Variants in SGCZ observed in about 807,000 individuals in gnomAD.
SGCZ encodes the protein zeta-sarcoglycan.
In SGCZ, 40 loss-of-function variants were observed where a neutral mutation model predicts 41.3. That is an observed-to-expected ratio of 0.97 (90% CI 0.75 to 1.26). SGCZ has a LOEUF of 1.26. Among genes scored for constraint, SGCZ ranks in the 50% most tolerant of loss-of-function variants. The pLI is 0.00. For synonymous variants in SGCZ, 206 were observed against 137.5 expected (o/e 1.50, Z -3.49); for missense variants, 552 against 369.8 (o/e 1.49, Z -4.04).
chr8:14,128,720 C>T (rs531296303), intron 5 of SGCZ, among the ~76,000 whole-genome samples: 6 of 144,674 alleles, frequency 4.1e-5, no homozygotes, highest in South Asian at 4.5e-4. Flanking sequence ...TATACATATA[C>T]ACACACACAC....
chr8:14,553,056 C>G (rs545175197), intron 2 of SGCZ, among the ~76,000 whole-genome samples: 4 of 152,026 alleles, frequency 2.6e-5, no homozygotes, highest in African/African-American at 9.6e-5. Context: ...TTTTCAGCAA[C>G]TGATAGTCTG....
At chr8:14,724,116 A>G (rs1387273255) in intron 1 of SGCZ, among the ~76,000 whole-genome samples, 1 of 152,192 alleles carries the variant, frequency 6.6e-6, no homozygotes, top group Non-Finnish European at 1.5e-5. Flanking sequence ...GTGTATGAGA[A>G]AAATGTGTCT....
rs533374306 is a variant in SGCZ, at chr8:14,369,391, T to C, written c.235-45187A>G. Among the ~76,000 whole-genome samples, 4 of 152,074 alleles carry C rather than the reference T, an allele frequency of 2.6e-5. No homozygotes were observed. The South Asian group carries it at 6.2e-4, about 24-fold the overall frequency. ...TTTGAGCTTCTCTGATATATCCTCA[T>C]AATAAAGGCTTTTTTTGGTCTTTAT... is the stretch of plus-strand genomic sequence containing the variant. On this transcript the variant is annotated intron_variant, in intron 2 of 7. Transcript: ENST00000382080.
At chr8:14,323,570 AAG>A (rs1260053407) in intron 3 of SGCZ, among the ~76,000 whole-genome samples, 1 of 152,128 alleles carries the variant, frequency 6.6e-6, no homozygotes, top group Non-Finnish European at 1.5e-5. Flanking sequence ...GCATGCTTCT[AAG>A]AGATAAAACA....
intron 1 of SGCZ, among the ~76,000 whole-genome samples, chr8:14,664,505 A>G (rs1485765371): frequency 6.6e-6 from 1 of 152,186 alleles, no homozygotes; most frequent in Non-Finnish European, 1.5e-5. Context: ...GATATGTGAT[A>G]TTTCAACTAG....
At chr8:14,415,380 C>T (rs1198166330) in intron 2 of SGCZ, among the ~76,000 whole-genome samples, 3 of 151,694 alleles carry the variant, frequency 2.0e-5, no homozygotes, top group Admixed American at 6.6e-5. Flanking sequence ...AGAAAAGACA[C>T]AGAAATAAGC....
At chr8:14,142,702 G>C (rs1016808109) in intron 5 of SGCZ, among the ~76,000 whole-genome samples, 1 of 152,132 alleles carries the variant, frequency 6.6e-6, no homozygotes, top group African/African-American at 2.4e-5. Context: ...CCCAATGCTG[G>C]AGATGGGCCT....
At position 14,164,683 on chromosome 8, in the gene SGCZ, A is replaced by G. The variant is rs370902554; in HGVS notation, c.444T>C (p.Ala148=). 1.2e-4 allele frequency: 199 copies of G among 1,613,406 alleles called. No homozygotes were observed. The highest frequency in any genetic ancestry group is 1.6e-4 in the Non-Finnish European group (190 of 1,179,662). The change falls in exon 5 of 8, where the codon GCT becomes GCC. Residue 148 remains alanine, a synonymous_variant. Coordinates refer to ENST00000382080, the MANE Select transcript of SGCZ (RefSeq NM_139167.4). ...CTCTCACTTCAAATCTTTTACACTG[A>G]GCTTCCACAGCATCAGCTCCTATGG... ...QLTIGADAVE[A]QCKRFEVRAS... is the part of the protein sequence containing the mutation.
At chr8:14,561,971 A>T (rs1360976646) in intron 1 of SGCZ, among the ~76,000 whole-genome samples, 1 of 152,150 alleles carries the variant, frequency 6.6e-6, no homozygotes, top group Admixed American at 6.5e-5. Context: ...AAATTTAAAA[A>T]CACAGCATGT....
In SGCZ at chr8:15,172,735, G is replaced by A. The variant is rs1585638566; in HGVS notation, c.39+64850C>T. On this transcript the variant is annotated intron_variant, in intron 1 of 7. Coordinates refer to ENST00000382080, the MANE Select transcript of SGCZ (RefSeq NM_139167.4). ...GATAGAATTTTACCTTTATCAACAT[G>A]CGTAGAAACATTTTCATAATGCGCT... 5.3e-5 allele frequency among the ~76,000 whole-genome samples: 8 copies of A among 152,180 alleles called. No homozygotes were observed. The South Asian group carries it at 1.7e-3, about 32-fold the overall frequency.
intron 1 of SGCZ, among the ~76,000 whole-genome samples, chr8:14,681,551 G>A (rs538516635): frequency 1.1e-4 from 16 of 152,196 alleles, no homozygotes; most frequent in East Asian, 1.9e-4. Flanking sequence ...CTCGGACTTC[G>A]AATGATATAA....
intron 1 of SGCZ, among the ~76,000 whole-genome samples, chr8:14,582,091 TAATA>T (rs1804909493): frequency 1.3e-5 from 2 of 152,186 alleles, no homozygotes; most frequent in South Asian, 2.1e-4. Flanking sequence ...TACTTCTGCT[TAATA>T]AATAAATATA....
At chr8:14,582,584 T>A (rs1320139789) in intron 1 of SGCZ, among the ~76,000 whole-genome samples, 1 of 150,494 alleles carries the variant, frequency 6.6e-6, no homozygotes, top group Non-Finnish European at 1.5e-5. Flanking sequence ...TATGTATACA[T>A]GTGCCATGCT....
Position 14,164,694 on chromosome 8 carries a change from C to A in SGCZ, c.433G>T (p.Ala145Ser), listed in dbSNP as rs1804154780. 1 of 1,613,474 alleles carries A rather than the reference C, an allele frequency of 6.2e-7. No individual in the cohort carries two copies. The highest frequency in any genetic ancestry group is 1.1e-5 in the South Asian group (1 of 91,068). ...AATCTTTTACACTGAGCTTCCACAG[C>A]ATCAGCTCCTATGGTCAGAGGAAAG... is the stretch of plus-strand genomic sequence containing the variant. ...LTGQLTIGAD[A>S]VEAQCKRFEV... Residue 145 changes from alanine (A) to serine (S), a missense_variant, in exon 5 of 8, where the codon GCT (alanine) becomes TCT (serine). Ala to Ser is a moderately conservative substitution (Grantham distance 99). Transcript: ENST00000382080.
intron 2 of SGCZ, among the ~76,000 whole-genome samples, chr8:14,411,754 A>T (rs1799366871): frequency 6.6e-6 from 1 of 152,154 alleles, no homozygotes; most frequent in South Asian, 2.1e-4. Flanking sequence ...ATATAAAGAC[A>T]TTCAATATTA....
At chr8:15,056,922 C>G (rs1344620231) in intron 1 of SGCZ, among the ~76,000 whole-genome samples, 1 of 152,118 alleles carries the variant, frequency 6.6e-6, no homozygotes, top group Non-Finnish European at 1.5e-5. Context: ...TTCTGACAGG[C>G]AAGCTGAAGG....
At chr8:14,598,670 G>A (rs1805492872) in intron 1 of SGCZ, among the ~76,000 whole-genome samples, 1 of 151,846 alleles carries the variant, frequency 6.6e-6, no homozygotes, top group African/African-American at 2.4e-5. Flanking sequence ...TTGGACTATA[G>A]GTGGGCCATC....
At chr8:14,264,687 A>C (rs4831289) in intron 3 of SGCZ, among the ~76,000 whole-genome samples, 57,244 of 152,066 alleles carry the variant, frequency 0.38, 12,276 homozygotes, top group Non-Finnish European at 0.5. Context: ...GGTTGCCGGG[A>C]GCGGAGTCTC....
At chr8:14,743,153 G>A (rs1490491117) in intron 1 of SGCZ, among the ~76,000 whole-genome samples, 2 of 152,012 alleles carry the variant, frequency 1.3e-5, no homozygotes, top group Non-Finnish European at 2.9e-5. Flanking sequence ...TTATTAATAT[G>A]TTAGTGAATG....
Sources: allele counts gnomAD v4.1 joint callset (sites outside exome capture counted in the v4.1 genomes callset), GRCh38; gene constraint gnomAD v4.1.1; transcripts MANE v1.5; gene names NCBI Gene and HGNC (gene_info 2026-07-23, HGNC 2026-07-21).